NACC2: variants seen among roughly 807,000 people sequenced by gnomAD.
NACC2 encodes the protein nucleus accumbens-associated protein 2.
A neutral mutation model predicts 25.1 loss-of-function variants in NACC2; 8 were observed. The observed-to-expected ratio is 0.32, with a 90% CI of 0.19 to 0.57. The LOEUF is 0.57. NACC2 is among the 20% of genes least tolerant of loss of function. NACC2 has a pLI of 0.89. For missense variants in NACC2, 644 were observed against 650.2 expected, an observed-to-expected ratio of 0.99 and a Z score of 0.10; for synonymous variants, 435 against 294.7, an observed-to-expected ratio of 1.48 and a Z score of -4.88.
In NACC2 at chr9:136,055,470, C is replaced by T. The variant is rs1036518111; in HGVS notation, c.-59-4890G>A. Among the ~76,000 whole-genome samples the T allele has an allele frequency of 6.6e-6, 1 of 152,126 alleles. No individual in the cohort carries two copies. Among genetic ancestry groups the T allele is most frequent in the African/African-American group, 2.4e-5 (1 of 41,428 alleles). On this transcript the variant is annotated intron_variant, in intron 1 of 5. Transcript: ENST00000277554. This position sits in a 1 kb window ranked among gnomAD's most constrained non-coding sequence, Gnocchi z 4.9. ...GCAGCCCAACAGGAGGAGCCCTTTT[C>T]CTGGGGCCCAGCCAGGCAGCTCCAT...
intron 3 of NACC2, 139 bp downstream of exon 3, chr9:136,016,126 T>C: frequency 1.1e-6 from 1 of 919,012 alleles, no homozygotes; most frequent in Non-Finnish European, 1.6e-6. Context: ...CACATTCTTC[T>C]AAAAGGAAAT....
intron 2 of NACC2, among the ~76,000 whole-genome samples, chr9:136,037,681 G>C (rs1343221154): frequency 6.6e-6 from 1 of 151,882 alleles, no homozygotes; most frequent in Non-Finnish European, 1.5e-5. Context: ...CTAATTTTTT[G>C]TATTTTTAGT....
intron 1 of NACC2, among the ~76,000 whole-genome samples, chr9:136,057,855 C>G (rs927684982): frequency 1.3e-5 from 2 of 152,190 alleles, no homozygotes; most frequent in East Asian, 3.9e-4. Context: ...TCCCAGGCAC[C>G]GACAGTCAGA....
Position 136,033,565 on chromosome 9 carries a change from G to A in NACC2, c.886+16071C>T, listed in dbSNP as rs1429083719. The stretch of plus-strand genomic sequence containing the variant: ...CTCGGGAGGCTGAGGCAGGAGAATC[G>A]CTTGAATTCGGGAGTTGGAGGTTGG... On this transcript the variant is annotated intron_variant, in intron 2 of 5. Transcript: ENST00000277554. 4.1e-5 allele frequency among the ~76,000 whole-genome samples: 6 copies of A among 145,920 alleles called. No homozygotes were observed. In the Admixed American group the frequency reaches 4.3e-4, roughly 10 times the overall value.
At chr9:136,095,100 A>G (rs1170130798) in intron 1 of NACC2, 89 bp downstream of exon 1, 1 of 144,220 alleles carries the variant, frequency 6.9e-6, no homozygotes, top group Non-Finnish European at 1.5e-5. Context: ...GCGGCCGCGG[A>G]GTTTGCGGGA....
At chr9:136,023,048 A>AGAG (rs1840316622) in intron 2 of NACC2, among the ~76,000 whole-genome samples, 1 of 6,538 alleles carries the variant, frequency 1.5e-4, no homozygotes, top group Non-Finnish European at 3.1e-4. Flanking sequence ...GAGGGAGGGA[A>AGAG]GGAGGGAGGA....
chr9:136,074,022 T>TGAAGATCC (rs1830228778), intron 1 of NACC2, among the ~76,000 whole-genome samples: 2 of 151,916 alleles, frequency 1.3e-5, no homozygotes, highest in South Asian at 4.1e-4. Context: ...AATTAAGATC[T>TGAAGATCC]TGGCCGGGCA....
chr9:136,085,769 T>C (rs969907055), intron 1 of NACC2, among the ~76,000 whole-genome samples: 2 of 152,276 alleles, frequency 1.3e-5, no homozygotes, highest in African/African-American at 4.8e-5. Flanking sequence ...CTTTATCTTT[T>C]ACCTTTTTTC....
intron 2 of NACC2, among the ~76,000 whole-genome samples, chr9:136,041,644 T>C (rs1195118861): frequency 6.6e-6 from 1 of 152,058 alleles, no homozygotes; most frequent in Non-Finnish European, 1.5e-5. Flanking sequence ...GGGGTTTCTT[T>C]GGGGGATGAC....
At chr9:136,024,854 G>A (rs570924087) in intron 2 of NACC2, among the ~76,000 whole-genome samples, 42 of 152,296 alleles carry the variant, frequency 2.8e-4, no homozygotes, top group Admixed American at 2.5e-3. Context: ...CCCTGGGGTG[G>A]AGCAGCTGAG....
intron 1 of NACC2, among the ~76,000 whole-genome samples, chr9:136,076,147 G>A (rs1275446520): frequency 6.6e-6 from 1 of 152,178 alleles, no homozygotes; most frequent in East Asian, 1.9e-4. Flanking sequence ...CCCATACCCC[G>A]TGACATCCTA....
rs2131162142 is a variant in NACC2, at chr9:136,049,929, C to T, written c.593G>A (p.Arg198Gln). ...CCCCGCGGCCACCGCCACGCCGTCC[C>T]GGGGCCCCGTCTCCAGCGGGCGCTT... Reference protein sequence around the residue: ...APKRPLETGPRDGVAVAAGAA... With the variant: ...APKRPLETGPQDGVAVAAGAA... Residue 198 changes from arginine (R) to glutamine (Q), a missense_variant, in exon 2 of 6, where the codon CGG becomes CAG. Arg to Gln is a conservative substitution (Grantham distance 43). Transcript: ENST00000277554. 1 of 578,106 alleles carries T rather than the reference C, an allele frequency of 1.7e-6. No individual in the cohort carries two copies. Among genetic ancestry groups the T allele is most frequent in the East Asian group, 3.1e-5 (1 of 32,096 alleles). 35.8% of individuals were successfully genotyped at this position (578,106 alleles called of 1,614,324 possible). A position where few individuals can be genotyped will look rare whatever the true frequency, so the allele number is the denominator to read the frequency against.
chr9:136,012,064 C>A (rs1840119714), intron 5 of NACC2, 40 bp from the exon 6 acceptor site: 3 of 1,466,864 alleles, frequency 2.0e-6, no homozygotes, highest in Non-Finnish European at 2.7e-6. Flanking sequence ...CACCTGCCTG[C>A]CGGGAGGCCC....
At chr9:136,021,797 C>A (rs114908852) in intron 2 of NACC2, among the ~76,000 whole-genome samples, 3,501 of 152,304 alleles carry the variant, frequency 0.023, 124 homozygotes, top group African/African-American at 0.08. Context: ...GATTGGCACA[C>A]AACCTGGATG....
intron 2 of NACC2, among the ~76,000 whole-genome samples, chr9:136,033,481 C>G (rs972899841): frequency 5.9e-5 from 9 of 151,490 alleles, no homozygotes; most frequent in African/African-American, 2.2e-4. Context: ...CCTACTAAAC[C>G]TCTACTAAAA....
intron 2 of NACC2, among the ~76,000 whole-genome samples, chr9:136,035,968 G>C (rs1458592603): frequency 1.3e-5 from 2 of 152,160 alleles, no homozygotes; most frequent in African/African-American, 2.4e-5. Flanking sequence ...TCCTGAGGGA[G>C]GAAGAAATTT....
chr9:136,050,192 C>A lies in NACC2; in HGVS notation c.330G>T (p.Gln110His). 1 of 772,322 alleles carries A rather than the reference C, an allele frequency of 1.3e-6. No individual in the cohort carries two copies. The highest frequency in any genetic ancestry group is 1.7e-5 in the Admixed American group (1 of 58,412). 47.8% of individuals were successfully genotyped at this position (772,322 alleles called of 1,614,324 possible). Residue 110 changes from glutamine (Q) to histidine (H), a missense_variant, in exon 2 of 6, where the codon CAG becomes CAT. Gln to His is a conservative substitution (Grantham distance 24, BLOSUM62 0). Transcript: ENST00000277554. ...GGTCGGTGCCGCGCTCCACGATGTGCTGGATCTGCAGGAAGCCGGCCGTGT... is the reference window on the plus strand; with the variant it reads ...GGTCGGTGCCGCGCTCCACGATGTGATGGATCTGCAGGAAGCCGGCCGTGT... Reference protein sequence around the residue: ...VMYTAGFLQIQHIVERGTDLM... With the variant: ...VMYTAGFLQIHHIVERGTDLM...
chr9:136,021,933 G>T (rs1564220095), intron 2 of NACC2, among the ~76,000 whole-genome samples: 1 of 152,162 alleles, frequency 6.6e-6, no homozygotes, highest in Non-Finnish European at 1.5e-5. Flanking sequence ...GGCCACCAGG[G>T]GCTGGGGTGC....
intron 1 of NACC2, among the ~76,000 whole-genome samples, chr9:136,078,535 G>A (rs1463935366): frequency 6.6e-6 from 1 of 152,282 alleles, no homozygotes; most frequent in South Asian, 2.1e-4. Context: ...GAGGTGGGAC[G>A]TGGCCCGCTC....
Sources: gnomAD v4.1 joint callset for allele counts (sites outside exome capture counted in the v4.1 genomes callset) on GRCh38, gnomAD v4.1.1 for gene constraint, Gnocchi (gnomAD v3.1) non-coding constraint, MANE v1.5 for transcripts, NCBI Gene and HGNC (gene_info 2026-07-23, HGNC 2026-07-21) for gene names.